The following RAB3C variants were observed in gnomAD, a reference collection of about 807,000 sequenced individuals.
RAB3C encodes the protein ras-related protein Rab-3C.
A neutral mutation model predicts 26.4 loss-of-function variants in RAB3C; 17 were observed. The ratio of observed to expected loss-of-function variants is 0.64; its 90% CI spans 0.44 to 0.97. The LOEUF is 0.97. Ranked by LOEUF, RAB3C falls within the 50% of genes least tolerant of loss-of-function variation. RAB3C has a pLI of 0.00. For missense variants in RAB3C, 242 were observed against 281.9 expected, an observed-to-expected ratio of 0.86 and a Z score of 1.01; for synonymous variants, 91 against 95.9, an observed-to-expected ratio of 0.95 and a Z score of 0.30.
intron 2 of RAB3C, among the ~76,000 whole-genome samples, chr5:58,710,788 C>T (rs1054908892): frequency 2.0e-5 from 3 of 152,154 alleles, no homozygotes; most frequent in African/African-American, 7.2e-5. Flanking sequence ...TGCTCGCTCT[C>T]TCTATGGCGT....
At position 58,678,016 on chromosome 5, in the gene RAB3C, G is replaced by A. The variant is rs149571755; in HGVS notation, c.253-47986G>A. ...TGTGTGTGTGTGCATGCGTGTGTGT[G>A]TGTGTTCAAGGTACATATGTTGGGG... On this transcript the variant is annotated intron_variant, in intron 2 of 4. Coordinates refer to ENST00000282878, the MANE Select transcript of RAB3C (RefSeq NM_138453.4). Among the ~76,000 whole-genome samples the A allele has an allele frequency of 1.1e-3, 166 of 149,758 alleles. 1 individual carries two copies. The highest frequency in any genetic ancestry group is 3.8e-3 in the African/African-American group (154 of 40,574).
rs202219786 is a variant in RAB3C at position 58,851,401 on chromosome 5, A to G, written c.*50A>G. The stretch of plus-strand genomic sequence containing the variant: ...CAGGGGGCTCTGGTTGCCAACAAAC[A>G]GCATTTGTAAATGGTCTATTAGCCT... On this transcript the variant is annotated 3_prime_UTR_variant, in exon 5 of 5. Transcript: ENST00000282878. 5.4e-5 allele frequency: 79 copies of G among 1,451,218 alleles called. No homozygotes were observed. The African/African-American group carries it at 9.1e-4, about 17-fold the overall frequency. 89.9% of individuals were successfully genotyped at this position (1,451,218 alleles called of 1,614,324 possible).
At chr5:58,627,869 G>T (rs879456147) in intron 2 of RAB3C, among the ~76,000 whole-genome samples, 2 of 152,140 alleles carry the variant, frequency 1.3e-5, no homozygotes, top group Non-Finnish European at 2.9e-5. Context: ...TGTTTACAAA[G>T]CATCGGGGCC....
chr5:58,664,291 A>G (rs907954737), intron 2 of RAB3C, among the ~76,000 whole-genome samples: 4 of 152,254 alleles, frequency 2.6e-5, no homozygotes, highest in African/African-American at 7.2e-5. Flanking sequence ...ACTGAGCGAT[A>G]AAGAGAAATG....
intron 1 of RAB3C, among the ~76,000 whole-genome samples, chr5:58,610,575 T>G (rs1486476738): frequency 6.6e-6 from 1 of 152,132 alleles, no homozygotes; most frequent in South Asian, 2.1e-4. Flanking sequence ...GATTGAGGTT[T>G]GAATTTATGT....
intron 2 of RAB3C, among the ~76,000 whole-genome samples, chr5:58,687,013 C>G (rs891035394): frequency 6.6e-6 from 1 of 152,098 alleles, no homozygotes; most frequent in Non-Finnish European, 1.5e-5. Context: ...TCATTTCACT[C>G]GGTGACCTAG....
At chr5:58,624,072 A>AG (rs1394653069) in intron 2 of RAB3C, among the ~76,000 whole-genome samples, 3 of 152,202 alleles carry the variant, frequency 2.0e-5, no homozygotes, top group Non-Finnish European at 4.4e-5. Context: ...GTGTACCAAA[A>AG]TTCAGACTTT....
chr5:58,813,778 A>AGATATTATTTAACTCTGGACTTAAAG (rs1219846087), intron 3 of RAB3C, among the ~76,000 whole-genome samples: 5 of 151,982 alleles, frequency 3.3e-5, no homozygotes, highest in East Asian at 1.9e-4. Context: ...ATATTCAGTG[A>AGATATTATTTAACTCTGGACTTAAAG]ATGCACACAT....
chr5:58,588,938 A>G (rs1746069012), intron 1 of RAB3C, among the ~76,000 whole-genome samples: 1 of 152,150 alleles, frequency 6.6e-6, no homozygotes, highest in South Asian at 2.1e-4. Flanking sequence ...AACCAGTACA[A>G]TGTTGAATAG....
At chr5:58,612,487 GGT>G (rs372157686) in intron 1 of RAB3C, among the ~76,000 whole-genome samples, 382 of 112,998 alleles carry the variant, frequency 3.4e-3, no homozygotes, top group Non-Finnish European at 4.4e-3. Context: ...TGTGTTCCTA[GGT>G]GTGTGTGTGT....
At chr5:58,650,040 AT>A (rs913479612) in intron 2 of RAB3C, among the ~76,000 whole-genome samples, 1 of 152,148 alleles carries the variant, frequency 6.6e-6, no homozygotes, top group Non-Finnish European at 1.5e-5. Flanking sequence ...TCTGTTTATA[AT>A]TTACAATTTA....
chr5:58,589,181 T>C (rs1334182644), intron 1 of RAB3C, among the ~76,000 whole-genome samples: 2 of 152,196 alleles, frequency 1.3e-5, no homozygotes, highest in Non-Finnish European at 1.5e-5. Context: ...CATCTATTGA[T>C]GTGATTGTGT....
intron 3 of RAB3C, among the ~76,000 whole-genome samples, chr5:58,793,287 G>A (rs181881790): frequency 1.1e-4 from 16 of 152,282 alleles, no homozygotes; most frequent in African/African-American, 3.1e-4. Context: ...GGCCGGGCGC[G>A]GTGGCTCGTG....
At chr5:58,802,698 G>A (rs1474843900) in intron 3 of RAB3C, among the ~76,000 whole-genome samples, 2 of 152,050 alleles carry the variant, frequency 1.3e-5, no homozygotes, top group Admixed American at 6.6e-5. Flanking sequence ...ATCACATAAG[G>A]GTATGTACTG....
intron 2 of RAB3C, among the ~76,000 whole-genome samples, chr5:58,634,438 T>G (rs1747246937): frequency 6.6e-6 from 1 of 152,168 alleles, no homozygotes; most frequent in African/African-American, 2.4e-5. Context: ...TTCTCTCAAT[T>G]CTAGTTTCTT....
intron 3 of RAB3C, among the ~76,000 whole-genome samples, chr5:58,736,633 A>G (rs1741142714): frequency 6.6e-6 from 1 of 152,226 alleles, no homozygotes; most frequent in Admixed American, 6.5e-5. Context: ...TATCTTTTCT[A>G]TATTAAAGGC....
intron 3 of RAB3C, among the ~76,000 whole-genome samples, chr5:58,795,288 C>T (rs1742617884): frequency 1.3e-5 from 2 of 152,112 alleles, no homozygotes; most frequent in African/African-American, 2.4e-5. Flanking sequence ...TACCCAGTTT[C>T]GGGTATGTCT....
At chr5:58,794,947 A>T (rs1047224906) in intron 3 of RAB3C, among the ~76,000 whole-genome samples, 1 of 152,254 alleles carries the variant, frequency 6.6e-6, no homozygotes, top group Non-Finnish European at 1.5e-5. Flanking sequence ...CAGATAGTTC[A>T]TTTAGAAAAA....
intron 2 of RAB3C, among the ~76,000 whole-genome samples, chr5:58,683,201 A>G (rs1748381743): frequency 1.3e-5 from 2 of 152,328 alleles, no homozygotes; most frequent in African/African-American, 2.4e-5. Flanking sequence ...TCTTTGCATT[A>G]GCTACAGAAA....
Sources: allele counts gnomAD v4.1 joint callset (sites outside exome capture counted in the v4.1 genomes callset), GRCh38; gene constraint gnomAD v4.1.1; transcripts MANE v1.5; gene names NCBI Gene and HGNC (gene_info 2026-07-23, HGNC 2026-07-21).